The following PDHX variants were observed in gnomAD, a reference collection of about 807,000 sequenced individuals.
The protein encoded by PDHX is pyruvate dehydrogenase protein X component, mitochondrial.
A neutral mutation model predicts 55.3 loss-of-function variants in PDHX; 33 were observed. That is an observed-to-expected ratio of 0.60 (90% confidence interval 0.45 to 0.80). PDHX has a LOEUF of 0.80. Ranked by LOEUF, PDHX falls within the 30% of genes least tolerant of loss-of-function variation. PDHX has a pLI of 0.00. For synonymous variants in PDHX, 226 were observed against 219.4 expected (o/e 1.03, Z -0.27); for missense variants, 622 against 619.9 (o/e 1.00, Z -0.04).
Position 34,976,684 on chromosome 11 carries a change from T to G in PDHX, c.965-1440T>G, listed in dbSNP as rs190074789. ...AGAAAGTGGAAGAAAACCAGGAGAG[T>G]ATAGTGACATAGGAGCCAGTAAAAG... On this transcript the variant is annotated intron_variant, in intron 7 of 10. Transcript: ENST00000227868. 5.0e-3 allele frequency among the ~76,000 whole-genome samples: 758 copies of G among 151,860 alleles called. 2 individuals are homozygous for G. The highest frequency in any genetic ancestry group is 7.8e-3 in the Non-Finnish European group (532 of 67,896).
chr11:34,956,496 AT>A (rs978229348), intron 3 of PDHX, among the ~76,000 whole-genome samples: 3 of 152,136 alleles, frequency 2.0e-5, no homozygotes, highest in African/African-American at 4.8e-5. Context: ...ATAATAGAAG[AT>A]TTTAAGGGAA....
Position 34,995,362 on chromosome 11 carries a change from T to G in PDHX, c.*190T>G. 1 of 585,728 alleles carries G rather than the reference T, an allele frequency of 1.7e-6. No homozygotes were observed. Among genetic ancestry groups the G allele is most frequent in the Non-Finnish European group, 3.0e-6 (1 of 331,252 alleles). 36.3% of individuals were successfully genotyped at this position (585,728 alleles called of 1,614,324 possible). The stretch of plus-strand genomic sequence containing the variant: ...GGTTTAATGTTATAGAAATAAATGA[T>G]GATAAACTCTAACTAATAAAGGAAA... On this transcript the variant is annotated 3_prime_UTR_variant, in exon 11 of 11. Transcript: ENST00000227868.
chr11:34,956,127 A>T (rs1854901751), intron 3 of PDHX, among the ~76,000 whole-genome samples: 1 of 152,014 alleles, frequency 6.6e-6, no homozygotes, highest in Admixed American at 6.6e-5. Flanking sequence ...AAGCAACTAG[A>T]TTTTTCTTGG....
chr11:34,963,800 T>C (rs991609637), intron 5 of PDHX, among the ~76,000 whole-genome samples: 1 of 152,222 alleles, frequency 6.6e-6, no homozygotes, highest in Non-Finnish European at 1.5e-5. Flanking sequence ...TGCTTGTACA[T>C]GTGACTGTTT....
At chr11:34,940,045 A>G (rs750018761) in intron 2 of PDHX, among the ~76,000 whole-genome samples, 1 of 152,252 alleles carries the variant, frequency 6.6e-6, no homozygotes, top group Non-Finnish European at 1.5e-5. Flanking sequence ...TGTTAAAATA[A>G]CAGAAAGGAA....
chr11:34,916,017 C>T, upstream of PDHX: 1 of 627,786 alleles, frequency 1.6e-6, no homozygotes. Context: ...GCCATCGGAG[C>T]GCCCCGCCCG....
intron 7 of PDHX, among the ~76,000 whole-genome samples, chr11:34,972,067 T>C (rs932557757): frequency 3.9e-5 from 6 of 152,128 alleles, no homozygotes; most frequent in African/African-American, 1.2e-4. Context: ...TCTGAAGTAA[T>C]GTTTCTGTTT....
chr11:34,918,891 C>G (rs1853807749), intron 1 of PDHX, among the ~76,000 whole-genome samples: 1 of 152,160 alleles, frequency 6.6e-6, no homozygotes, highest in Non-Finnish European at 1.5e-5. Context: ...CAGTCTTTAT[C>G]ACATTACGTC....
At chr11:34,916,176 C>G (rs375386462), upstream of PDHX, 43 of 1,580,770 alleles carry the variant, frequency 2.7e-5, no homozygotes, top group Middle Eastern at 6.6e-4. Flanking sequence ...CGCCGGGTCC[C>G]GCCTGGGCCT....
chr11:34,986,573 A>T lies in PDHX; in HGVS notation c.1182+1845A>T, dbSNP rs573850398. Among the ~76,000 whole-genome samples, 14 of 152,334 alleles carry T rather than the reference A, an allele frequency of 9.2e-5. No homozygotes were observed. The South Asian group carries it at 2.3e-3, about 25-fold the overall frequency. Reference sequence around the variant, plus strand: ...CTTATTTTTATATACATTAAATTTTAAAAATTAACCATTATAGGAAGATTT... The same window carrying T: ...CTTATTTTTATATACATTAAATTTTTAAAATTAACCATTATAGGAAGATTT... On this transcript the variant is annotated intron_variant, in intron 9 of 10. Coordinates refer to ENST00000227868, the MANE Select transcript of PDHX (RefSeq NM_003477.3).
chr11:34,966,655 T>A lies in PDHX; in HGVS notation c.657T>A (p.Leu219=). 4.3e-6 allele frequency: 7 copies of A among 1,613,980 alleles called. No individual in the cohort carries two copies. The highest frequency in any genetic ancestry group is 5.9e-6 in the Non-Finnish European group (7 of 1,179,960). ...TTATTTCCAGGGATGCTCTCAAACT[T>A]GTCCAGTTGAAACAAACGGGCAAGA... ...GIFTKEDALK[L]VQLKQTGKIT... is the part of the protein sequence containing the mutation. Residue 219 remains leucine (L), a synonymous_variant, in exon 6 of 11, where the codon CTT becomes CTA. Transcript: ENST00000227868.
In PDHX at chr11:34,969,242, G is replaced by T. The variant is rs71480061; in HGVS notation, c.817-897G>T. On this transcript the variant is annotated intron_variant, in intron 6 of 10. Coordinates refer to ENST00000227868, the MANE Select transcript of PDHX (RefSeq NM_003477.3). ...TTGACTTATGATATTTTAAACTTAC[G>T]ATGGGTTCATCAGAGTGTCACTTCA... Among the ~76,000 whole-genome samples, 3 of 152,022 alleles carry T rather than the reference G, an allele frequency of 2.0e-5. No homozygotes were observed. In the South Asian group the frequency reaches 6.2e-4, roughly 31 times the overall value.
chr11:34,959,396 A>G (rs947313881), intron 4 of PDHX, among the ~76,000 whole-genome samples: 3 of 109,154 alleles, frequency 2.7e-5, no homozygotes, highest in Admixed American at 1.9e-4. Context: ...CAGGATGGCT[A>G]GTATCAAAAC....
chr11:34,964,892 C>T (rs1487898978), intron 5 of PDHX, among the ~76,000 whole-genome samples: 1 of 141,072 alleles, frequency 7.1e-6, no homozygotes, highest in African/African-American at 3.2e-5. Context: ...ACTAAATATG[C>T]TAATAAGTAA....
chr11:34,917,697 A>G (rs958004779), intron 1 of PDHX, among the ~76,000 whole-genome samples: 1 of 152,202 alleles, frequency 6.6e-6, no homozygotes, highest in Non-Finnish European at 1.5e-5. Flanking sequence ...AGAAAAAAAA[A>G]ATCACACAAA....
intron 3 of PDHX, among the ~76,000 whole-genome samples, chr11:34,951,272 G>A (rs1199025522): frequency 1.3e-5 from 2 of 151,816 alleles, no homozygotes; most frequent in Non-Finnish European, 1.5e-5. Context: ...TGTTAGCCAG[G>A]ATGGTCTCGA....
chr11:34,942,466 TA>T (rs1305822427), intron 2 of PDHX, among the ~76,000 whole-genome samples: 5 of 152,164 alleles, frequency 3.3e-5, no homozygotes, highest in Non-Finnish European at 7.4e-5. Flanking sequence ...AGAGATTAAG[TA>T]ACTTGGTCAA....
intron 10 of PDHX, 42 bp from the exon 11 acceptor site, chr11:34,994,872 T>C: frequency 6.2e-7 from 1 of 1,612,486 alleles, no homozygotes; most frequent in Non-Finnish European, 8.5e-7. Flanking sequence ...GGGACTTTGA[T>C]TAAGGACATG....
At chr11:34,979,590 A>C (rs1275434216) in intron 8 of PDHX, among the ~76,000 whole-genome samples, 3 of 152,180 alleles carry the variant, frequency 2.0e-5, no homozygotes, top group Admixed American at 2.0e-4. Flanking sequence ...ACAGAACTTA[A>C]AAAGCATGCC....
Sources: gnomAD v4.1 joint callset for allele counts (sites outside exome capture counted in the v4.1 genomes callset) on GRCh38, gnomAD v4.1.1 for gene constraint, MANE v1.5 for transcripts, NCBI Gene and HGNC (gene_info 2026-07-23, HGNC 2026-07-21) for gene names.